The following NEXMIF variants were observed in gnomAD, a reference collection of about 807,000 sequenced individuals.
NEXMIF encodes the protein neurite extension and migration factor, also known as XLMR protein related to neurite extension.
NEXMIF carries 8 observed loss-of-function variants against 62.1 expected under a neutral mutation model. The observed-to-expected ratio is 0.13, with a 90% CI of 0.08 to 0.23. NEXMIF has a LOEUF of 0.23. NEXMIF is among the 10% of genes least tolerant of loss of function. The pLI, the probability that NEXMIF is intolerant of heterozygous loss-of-function variation, is 1.00. For synonymous variants in NEXMIF, 404 were observed against 416.6 expected (o/e 0.97, Z 0.37); for missense variants, 976 against 1,113.3 (o/e 0.88, Z 1.75).
At chrX:74,859,796 TTTGC>T (rs2080549868) in intron 1 of NEXMIF, among the ~76,000 whole-genome samples, 1 of 111,660 alleles carries the variant, frequency 9.0e-6, no homozygotes, top group African/African-American at 3.2e-5. Context: ...TAGTTTACAT[TTTGC>T]TTGCTTGTTT....
chrX:74,776,318 C>T (rs2080228303), intron 1 of NEXMIF, among the ~76,000 whole-genome samples: 2 of 111,873 alleles, frequency 1.8e-5, no homozygotes, highest in Non-Finnish European at 3.8e-5. Flanking sequence ...TGAGCGTTTC[C>T]AAGTGAAGCT....
At position 74,885,394 on chromosome X, in the gene NEXMIF, C is replaced by T. The variant is rs147336544; in HGVS notation, c.-48+39489G>A. Among the ~76,000 whole-genome samples the T allele has an allele frequency of 3.2e-3, 354 of 110,815 alleles. 2 individuals are homozygous for T. The highest frequency in any genetic ancestry group is 0.011 in the African/African-American group (333 of 30,487). The stretch of plus-strand genomic sequence containing the variant: ...GAAAAGATCAACAAAATTGATAGAC[C>T]GCTAGCAAGAATAATAAAGAAGAAA... On this transcript the variant is annotated intron_variant, in intron 1 of 3. Transcript: ENST00000055682.
At chrX:74,811,478 T>C (rs1315309228) in intron 1 of NEXMIF, among the ~76,000 whole-genome samples, 1 of 112,461 alleles carries the variant, frequency 8.9e-6, no homozygotes, top group East Asian at 2.8e-4. Context: ...ATGTCTAACA[T>C]TAAAACCACA....
chrX:74,815,635 C>A (rs1486871109), intron 1 of NEXMIF, among the ~76,000 whole-genome samples: 2 of 99,606 alleles, frequency 2.0e-5, no homozygotes, highest in Admixed American at 2.2e-4. Flanking sequence ...TCTACAACTA[C>A]TTTTTTTTTT....
At chrX:74,753,749 T>C (rs2080151021) in intron 1 of NEXMIF, among the ~76,000 whole-genome samples, 1 of 109,488 alleles carries the variant, frequency 9.1e-6, no homozygotes, top group South Asian at 4.0e-4. Flanking sequence ...AGGACATTCA[T>C]GTACACTCAA....
chrX:74,874,773 C>A (rs1375034544), intron 1 of NEXMIF, among the ~76,000 whole-genome samples: 1 of 93,710 alleles, frequency 1.1e-5, no homozygotes, highest in Non-Finnish European at 2.1e-5. Flanking sequence ...TGGGAGTTCA[C>A]TCATGATTTG....
intron 1 of NEXMIF, among the ~76,000 whole-genome samples, chrX:74,858,543 A>C (rs1036190861): frequency 1.8e-5 from 2 of 111,677 alleles, no homozygotes; most frequent in African/African-American, 6.5e-5. Context: ...AAGCTTTCCC[A>C]AGAAGGATGG....
intron 1 of NEXMIF, among the ~76,000 whole-genome samples, chrX:74,780,484 C>T (rs1174953267): frequency 9.2e-6 from 1 of 109,085 alleles, no homozygotes; most frequent in African/African-American, 3.3e-5. Context: ...AAGCAATCCT[C>T]CTGCCTCAGT....
chrX:74,760,921 GC>G (rs2080174009), intron 1 of NEXMIF, among the ~76,000 whole-genome samples: 1 of 109,351 alleles, frequency 9.1e-6, no homozygotes. Flanking sequence ...AGGCTGGAGT[GC>G]AACGGCAAAA....
chrX:74,799,951 C>T (rs1602232789), intron 1 of NEXMIF, among the ~76,000 whole-genome samples: 1 of 111,367 alleles, frequency 9.0e-6, no homozygotes, highest in Middle Eastern at 4.6e-3. Flanking sequence ...ATAATAATAG[C>T]TGGAGACTTC....
rs1274174410 is a variant in NEXMIF, at chrX:74,736,798, A to T, written c.*2607T>A. The T allele has an allele frequency of 1.8e-5, 2 of 112,580 alleles. No individual in the cohort carries two copies. Among genetic ancestry groups the T allele is most frequent in the East Asian group, 5.6e-4 (2 of 3,584 alleles). 9.3% of individuals were successfully genotyped at this position (112,580 alleles called of 1,213,427 possible). ...CGTCACTAATTTATATATTAAAAAC[A>T]TATAATACACTGCAGGCCAATTAAA... On this transcript the variant is annotated 3_prime_UTR_variant, in exon 4 of 4. Transcript: ENST00000055682.
At chrX:74,884,389 T>C (rs923641035) in intron 1 of NEXMIF, among the ~76,000 whole-genome samples, 21 of 111,440 alleles carry the variant, frequency 1.9e-4, no homozygotes, top group African/African-American at 6.2e-4. Context: ...GTGTGCTGTA[T>C]TCAGGAAACC....
intron 1 of NEXMIF, among the ~76,000 whole-genome samples, chrX:74,831,340 C>T (rs1224503621): frequency 1.1e-5 from 1 of 91,181 alleles, no homozygotes; most frequent in Non-Finnish European, 2.2e-5. Flanking sequence ...CTATCCCGCC[C>T]CCCTCCCCCA....
rs746367929 is a variant in NEXMIF at position 74,740,964 on chromosome X, T to A, written c.3593A>T (p.Lys1198Ile). The A allele has an allele frequency of 1.7e-6, 2 of 1,210,294 alleles. No homozygotes were observed. Among genetic ancestry groups the A allele is most frequent in the African/African-American group, 3.5e-5 (2 of 57,192 alleles). Residue 1198 changes from lysine (K) to isoleucine (I), a missense_variant, in exon 3 of 4, where the codon AAA (lysine) becomes ATA (isoleucine). Physicochemically the swap from Lys to Ile is moderately radical, Grantham distance 102. This residue lies in a region of NEXMIF where 639 missense variants were observed against 694.5 expected (regional missense o/e 0.92). Coordinates refer to ENST00000055682, the MANE Select transcript of NEXMIF (RefSeq NM_001008537.3). ...CTTGTTGTTACCTTTGAGGGATTTT[T>A]TCCTGGTGTTTTTCTGAGAAGAGCT... ...NQSSSQKNTRKKSLKGNNKGI... is the reference protein window; with the variant it reads ...NQSSSQKNTRIKSLKGNNKGI...
intron 1 of NEXMIF, among the ~76,000 whole-genome samples, chrX:74,762,671 T>C (rs2080180860): frequency 8.9e-6 from 1 of 111,980 alleles, no homozygotes; most frequent in Non-Finnish European, 1.9e-5. Context: ...TGGTGTGAGA[T>C]GGTATCTCAT....
At chrX:74,886,047 C>A (rs2080691335) in intron 1 of NEXMIF, among the ~76,000 whole-genome samples, 1 of 111,951 alleles carries the variant, frequency 8.9e-6, no homozygotes, top group South Asian at 3.8e-4. Context: ...ATGACAAAAA[C>A]CACATGGTTA....
At chrX:74,829,872 TC>T (rs2080430307) in intron 1 of NEXMIF, among the ~76,000 whole-genome samples, 1 of 112,130 alleles carries the variant, frequency 8.9e-6, no homozygotes, top group Admixed American at 9.5e-5. Flanking sequence ...TCTGTTCAAA[TC>T]TTCTGTCAGT....
intron 1 of NEXMIF, among the ~76,000 whole-genome samples, chrX:74,877,391 G>A (rs893836171): frequency 1.8e-5 from 2 of 111,638 alleles, no homozygotes; most frequent in East Asian, 5.6e-4. Context: ...CCCTTTGAGA[G>A]TAACCGACCT....
chrX:74,816,263 G>C (rs2080375708), intron 1 of NEXMIF, among the ~76,000 whole-genome samples: 2 of 111,619 alleles, frequency 1.8e-5, no homozygotes, highest in Admixed American at 1.9e-4. Context: ...CAAGTGGACA[G>C]ATCCTCACAA....
Sources: allele counts gnomAD v4.1 joint callset (sites outside exome capture counted in the v4.1 genomes callset), GRCh38; gene constraint gnomAD v4.1.1; regional missense constraint gnomAD v4.1.1; transcripts MANE v1.5; gene names NCBI Gene and HGNC (gene_info 2026-07-23, HGNC 2026-07-21).